Variants in CREB5 observed in about 807,000 individuals in gnomAD.
The protein encoded by CREB5 is cAMP responsive element binding protein 5.
CREB5 carries 19 observed loss-of-function variants against 57.1 expected under a neutral mutation model. That is an observed-to-expected ratio of 0.33 (90% CI 0.23 to 0.49). CREB5 has a LOEUF of 0.49. CREB5 is among the 20% of genes least tolerant of loss of function. The pLI, the probability that CREB5 is intolerant of heterozygous loss-of-function variation, is 0.99. For synonymous variants in CREB5, 238 were observed against 238.3 expected, an observed-to-expected ratio of 1.00 and a Z score of 0.01; for missense variants, 579 against 671.6, an observed-to-expected ratio of 0.86 and a Z score of 1.52.
At chr7:28,736,294 C>T (rs567954955) in intron 7 of CREB5, among the ~76,000 whole-genome samples, 46 of 152,162 alleles carry the variant, frequency 3.0e-4, no homozygotes, top group Middle Eastern at 3.4e-3. Flanking sequence ...CTCAGCCTCC[C>T]GAGTAGCTGG....
intron 4 of CREB5, among the ~76,000 whole-genome samples, chr7:28,539,687 A>T (rs753506246): frequency 2.0e-5 from 3 of 152,174 alleles, no homozygotes; most frequent in African/African-American, 4.8e-5. Context: ...CCTAATCAGT[A>T]GGTTAGCCTA....
At chr7:28,709,013 A>G (rs1481871480) in intron 5 of CREB5, among the ~76,000 whole-genome samples, 1 of 152,252 alleles carries the variant, frequency 6.6e-6, no homozygotes, top group East Asian at 1.9e-4. Flanking sequence ...CACAACGGAA[A>G]GAAATTTAAC....
At chr7:28,543,119 A>G (rs1794270646) in intron 4 of CREB5, among the ~76,000 whole-genome samples, 1 of 152,182 alleles carries the variant, frequency 6.6e-6, no homozygotes, top group Admixed American at 6.5e-5. Flanking sequence ...CTCCTCTTGA[A>G]CATCTGAAAT....
chr7:28,700,904 A>G (rs1801820576), intron 5 of CREB5, among the ~76,000 whole-genome samples: 1 of 151,796 alleles, frequency 6.6e-6, no homozygotes, highest in African/African-American at 2.4e-5. Context: ...TGAGTCATCT[A>G]ACTTCTGAGT....
intron 1 of CREB5, among the ~76,000 whole-genome samples, chr7:28,310,011 A>C (rs1327324264): frequency 2.0e-5 from 3 of 152,198 alleles, no homozygotes. Flanking sequence ...GAGGGATGAA[A>C]GGGTTCATGG....
At chr7:28,560,837 T>TGTGCGC (rs1562797077) in intron 4 of CREB5, among the ~76,000 whole-genome samples, 93 of 92,288 alleles carry the variant, frequency 1.0e-3, no homozygotes, top group Middle Eastern at 5.2e-3. Flanking sequence ...CGCGCGCGTG[T>TGTGCGC]GTGTGTGCGC....
At chr7:28,454,100 C>A (rs1362724759) in intron 1 of CREB5, among the ~76,000 whole-genome samples, 1 of 151,866 alleles carries the variant, frequency 6.6e-6, no homozygotes, top group African/African-American at 2.4e-5. Context: ...ACTACAGGCA[C>A]TCGCCACCAC....
At chr7:28,348,329 G>A (rs1286305390) in intron 1 of CREB5, among the ~76,000 whole-genome samples, 2 of 151,784 alleles carry the variant, frequency 1.3e-5, no homozygotes, top group African/African-American at 4.8e-5. Context: ...CCAAACAGCA[G>A]CTTCCTCATT....
At chr7:28,547,251 T>C (rs1011840750) in intron 4 of CREB5, among the ~76,000 whole-genome samples, 15 of 152,224 alleles carry the variant, frequency 9.9e-5, no homozygotes, top group Non-Finnish European at 2.1e-4. Context: ...ACCATAGAAA[T>C]TTACACTAAT....
In CREB5 at chr7:28,786,133, C is replaced by G. The variant is rs2237356; in HGVS notation, c.703-18066C>G. ...ATGGCTGCCCATTTTACAGGCCTTT[C>G]TCCCCACCTTTTCAAAGAAAATGAG... On this transcript the variant is annotated intron_variant, in intron 7 of 10. Transcript: ENST00000357727. Among the ~76,000 whole-genome samples the G allele has an allele frequency of 4.3e-4, 65 of 152,286 alleles. 1 individual carries two copies. The East Asian group carries it at 8.3e-3, about 19-fold the overall frequency.
At chr7:28,451,471 TGTGTG>T (rs1789805119) in intron 1 of CREB5, among the ~76,000 whole-genome samples, 1 of 151,584 alleles carries the variant, frequency 6.6e-6, no homozygotes, top group Non-Finnish European at 1.5e-5. Flanking sequence ...TGTGTGTGTG[TGTGTG>T]TGTGTGTGTG....
chr7:28,643,088 C>T lies in CREB5; in HGVS notation c.464+72551C>T, dbSNP rs547251542. ...AGACCCTTTGAGAAAGCCAGTTCCT[C>T]GAGAATAAATTCTCAATTGTCGGGT... On this transcript the variant is annotated intron_variant, in intron 5 of 10. Transcript: ENST00000357727. Among the ~76,000 whole-genome samples the T allele has an allele frequency of 1.3e-3, 194 of 151,590 alleles. 1 individual carries two copies. The highest frequency in any genetic ancestry group is 1.5e-3 in the Non-Finnish European group (105 of 67,936).
chr7:28,765,349 C>A (rs952966426), intron 7 of CREB5, among the ~76,000 whole-genome samples: 2 of 152,184 alleles, frequency 1.3e-5, no homozygotes, highest in African/African-American at 4.8e-5. Flanking sequence ...TTGTACAAAT[C>A]CAGCACTTTA....
At chr7:28,641,843 A>G (rs1273117934) in intron 5 of CREB5, among the ~76,000 whole-genome samples, 1 of 152,154 alleles carries the variant, frequency 6.6e-6, no homozygotes, top group Non-Finnish European at 1.5e-5. Flanking sequence ...TCGCCATCCC[A>G]TTCGTTTTTA....
intron 5 of CREB5, among the ~76,000 whole-genome samples, chr7:28,607,697 A>T (rs1057198129): frequency 6.6e-6 from 1 of 151,622 alleles, no homozygotes; most frequent in Non-Finnish European, 1.5e-5. Flanking sequence ...GATAAAGAAC[A>T]TTGACTCTTA....
intron 5 of CREB5, among the ~76,000 whole-genome samples, chr7:28,575,636 G>A (rs541899285): frequency 6.6e-6 from 1 of 152,304 alleles, no homozygotes. Context: ...CCTTAGCCAG[G>A]ACAACTTGAA....
chr7:28,590,584 G>A (rs1051492226), intron 5 of CREB5, among the ~76,000 whole-genome samples: 2 of 150,442 alleles, frequency 1.3e-5, no homozygotes, highest in African/African-American at 2.4e-5. Flanking sequence ...TGTAAATGAC[G>A]AGTTAATGGG....
intron 1 of CREB5, among the ~76,000 whole-genome samples, chr7:28,308,682 A>T (rs1285968004): frequency 6.6e-6 from 1 of 152,082 alleles, no homozygotes; most frequent in Non-Finnish European, 1.5e-5. Flanking sequence ...ACCCCTTCAC[A>T]GCCACCCCTA....
chr7:28,735,900 G>T (rs983085399), intron 7 of CREB5, among the ~76,000 whole-genome samples: 1 of 151,830 alleles, frequency 6.6e-6, no homozygotes, highest in African/African-American at 2.4e-5. Context: ...AAATTCTTGA[G>T]CTCAAGCGAT....
Sources: allele counts gnomAD v4.1 joint callset (sites outside exome capture counted in the v4.1 genomes callset), GRCh38; gene constraint gnomAD v4.1.1; transcripts MANE v1.5; gene names NCBI Gene and HGNC (gene_info 2026-07-23, HGNC 2026-07-21).